Variants in PCDH11X observed in about 807,000 individuals in gnomAD.
The protein encoded by PCDH11X is protocadherin 11 X-linked.
Under a neutral mutation model 53.3 loss-of-function variants are expected in PCDH11X, and 18 were observed. The ratio of observed to expected loss-of-function variants is 0.34; its 90% CI spans 0.23 to 0.50. PCDH11X has a LOEUF of 0.50. Among genes scored for constraint, PCDH11X ranks in the 20% least tolerant of loss-of-function variants. PCDH11X has a pLI of 0.98. For synonymous variants in PCDH11X, 279 were observed against 393.3 expected, an observed-to-expected ratio of 0.71 and a Z score of 3.44; for missense variants, 570 against 1,032.4, an observed-to-expected ratio of 0.55 and a Z score of 6.14.
intron 6 of PCDH11X, among the ~76,000 whole-genome samples, chrX:92,185,620 A>G (rs1022931160): frequency 9.0e-6 from 1 of 111,666 alleles, no homozygotes; most frequent in African/African-American, 3.3e-5. Flanking sequence ...CCAACAAGAG[A>G]TTAATATCCA....
chrX:92,375,823 C>A (rs1220472209), intron 8 of PCDH11X, among the ~76,000 whole-genome samples: 48 of 110,503 alleles, frequency 4.3e-4, no homozygotes, highest in African/African-American at 1.4e-3. Flanking sequence ...AGGGTTTCAC[C>A]ATCTTGGCCA....
intron 6 of PCDH11X, among the ~76,000 whole-genome samples, chrX:92,194,956 G>A (rs979556084): frequency 9.0e-6 from 1 of 111,310 alleles, no homozygotes; most frequent in Admixed American, 9.6e-5. Flanking sequence ...GTTTGCTGGG[G>A]GGAAATCATG....
intron 6 of PCDH11X, among the ~76,000 whole-genome samples, chrX:91,956,781 C>T (rs1461561810): frequency 9.3e-6 from 1 of 107,718 alleles, no homozygotes. Flanking sequence ...CTCTGGATTT[C>T]CTGAATTTAA....
chrX:92,025,743 A>G (rs2062960481), intron 6 of PCDH11X, among the ~76,000 whole-genome samples: 1 of 107,113 alleles, frequency 9.3e-6, no homozygotes, highest in African/African-American at 3.4e-5. Context: ...TACTATAAAG[A>G]CACAAGCACA....
At chrX:91,803,171 A>G (rs1255082383) in intron 1 of PCDH11X, among the ~76,000 whole-genome samples, 1 of 111,464 alleles carries the variant, frequency 9.0e-6, no homozygotes, top group Non-Finnish European at 1.9e-5. Flanking sequence ...TTCTAATAAG[A>G]TAGGCATTTG....
chrX:92,270,524 C>A (rs992352216), intron 8 of PCDH11X, among the ~76,000 whole-genome samples: 6 of 111,761 alleles, frequency 5.4e-5, no homozygotes, highest in African/African-American at 2.0e-4. Context: ...AGGCCTCAAT[C>A]AATTTAGAAG....
intron 9 of PCDH11X, among the ~76,000 whole-genome samples, chrX:92,408,198 T>C (rs777211906): frequency 9.0e-6 from 1 of 111,333 alleles, no homozygotes; most frequent in South Asian, 3.8e-4. Flanking sequence ...TGTTTTAATA[T>C]TAAGAAATGA....
At chrX:92,042,939 G>A (rs1374290360) in intron 6 of PCDH11X, among the ~76,000 whole-genome samples, 1 of 109,822 alleles carries the variant, frequency 9.1e-6, no homozygotes, top group African/African-American at 3.3e-5. Context: ...GCGCCCGGCC[G>A]TTGATCATTT....
chrX:91,963,026 A>G (rs1208575300), intron 6 of PCDH11X, among the ~76,000 whole-genome samples: 1 of 111,067 alleles, frequency 9.0e-6, no homozygotes, highest in Non-Finnish European at 1.9e-5. Flanking sequence ...CTGTGATGGG[A>G]GGGGCTACTG....
At chrX:92,364,502 A>G (rs1403528736) in intron 8 of PCDH11X, among the ~76,000 whole-genome samples, 1 of 110,819 alleles carries the variant, frequency 9.0e-6, no homozygotes, top group Non-Finnish European at 1.9e-5. Context: ...GCTCTGGATG[A>G]GTCAGTGAAT....
chrX:92,010,784 A>T (rs1328679389), intron 6 of PCDH11X, among the ~76,000 whole-genome samples: 1 of 109,062 alleles, frequency 9.2e-6, no homozygotes, highest in Non-Finnish European at 1.9e-5. Context: ...ATATGGGTAA[A>T]TTGTTTGTCA....
At chrX:92,391,759 T>A (rs913630533) in intron 9 of PCDH11X, among the ~76,000 whole-genome samples, 1 of 111,036 alleles carries the variant, frequency 9.0e-6, no homozygotes, top group African/African-American at 3.3e-5. Context: ...GTAAGTTGGA[T>A]CTAAAAGGGT....
At chrX:92,449,944 C>T (rs1316316788) in intron 9 of PCDH11X, among the ~76,000 whole-genome samples, 1 of 111,158 alleles carries the variant, frequency 9.0e-6, no homozygotes, top group Non-Finnish European at 1.9e-5. Flanking sequence ...CATAGTGTTT[C>T]TCTTAAAATT....
Position 91,835,591 on chromosome X carries a change from C to T in PCDH11X, c.87C>T (p.Thr29=). The T allele has an allele frequency of 8.3e-7, 1 of 1,211,240 alleles. No individual in the cohort carries two copies. Among genetic ancestry groups the T allele is most frequent in the Non-Finnish European group, 1.1e-6 (1 of 895,459 alleles). ...FHSGAQEKNY[T]IREEMPENVL... is the part of the protein sequence containing the mutation. Reference sequence around the variant, plus strand: ...CTGGCGCCCAGGAGAAAAACTACACCATCCGAGAAGAAATGCCAGAAAACG... The same window carrying T: ...CTGGCGCCCAGGAGAAAAACTACACTATCCGAGAAGAAATGCCAGAAAACG... Residue 29 remains threonine, a synonymous_variant, in exon 5 of 11, where the codon ACC becomes ACT. Transcript: ENST00000682573.
rs377555010 is a variant in PCDH11X at position 92,544,901 on chromosome X, C to T, written c.3368-73363C>T. ...GTCATGTTCTTACTGATGGTACAGA[C>T]GACTACAATTGATATATCCAGATTC... On this transcript the variant is annotated intron_variant, in intron 10 of 10. Coordinates refer to ENST00000682573, the MANE Select transcript of PCDH11X (RefSeq NM_032968.5). Among the ~76,000 whole-genome samples, 62 of 111,554 alleles carry T rather than the reference C, an allele frequency of 5.6e-4. No homozygotes were observed. In the South Asian group the frequency reaches 0.011, roughly 19 times the overall value.
At chrX:92,538,783 C>T (rs1274217970) in intron 10 of PCDH11X, among the ~76,000 whole-genome samples, 1 of 103,357 alleles carries the variant, frequency 9.7e-6, no homozygotes, top group Non-Finnish European at 2.0e-5. Flanking sequence ...CATCATTTGA[C>T]CTTTCTACTT....
At chrX:92,548,766 A>T (rs2074903380) in intron 10 of PCDH11X, among the ~76,000 whole-genome samples, 1 of 110,641 alleles carries the variant, frequency 9.0e-6, no homozygotes, top group South Asian at 3.9e-4. Flanking sequence ...TCAAAGAAGA[A>T]AAAGGTACAC....
chrX:92,566,280 A>G lies in PCDH11X; in HGVS notation c.3368-51984A>G, dbSNP rs373976548. Among the ~76,000 whole-genome samples the G allele has an allele frequency of 4.9e-4, 54 of 109,352 alleles. 2 individuals carry two copies. The South Asian group carries it at 0.021, about 42-fold the overall frequency. The allele number at this position is 109,352 out of a possible 115,157, so 95.0% of individuals were successfully genotyped here. ...TTAACTATAATTTTATATTATTTAA[A>G]CATTAGATGATCAAGTGAAATACAT... On this transcript the variant is annotated intron_variant, in intron 10 of 10. Coordinates refer to ENST00000682573, the MANE Select transcript of PCDH11X (RefSeq NM_032968.5).
At chrX:92,343,428 G>A (rs1190175802) in intron 8 of PCDH11X, among the ~76,000 whole-genome samples, 3 of 111,029 alleles carry the variant, frequency 2.7e-5, no homozygotes, top group African/African-American at 9.8e-5. Context: ...ACAGTAAAGA[G>A]TGGGGAAAAA....
Sources: allele counts gnomAD v4.1 joint callset (sites outside exome capture counted in the v4.1 genomes callset), GRCh38; gene constraint gnomAD v4.1.1; transcripts MANE v1.5; gene names NCBI Gene and HGNC (gene_info 2026-07-23, HGNC 2026-07-21).